The following PCDHGA3 variants were observed in gnomAD, a reference collection of about 807,000 sequenced individuals.
The protein encoded by PCDHGA3 is protocadherin gamma-A3.
In PCDHGA3, 40 loss-of-function variants were observed where a neutral mutation model predicts 58.5. The observed-to-expected ratio is 0.68, with a 90% CI of 0.53 to 0.89. PCDHGA3 has a LOEUF of 0.89. Ranked by LOEUF, PCDHGA3 falls within the 40% of genes least tolerant of loss-of-function variation. The probability of loss-of-function intolerance (pLI) is 0.00; values close to 1 mark genes in which losing one functional copy is unlikely to be tolerated. For missense variants in PCDHGA3, 1,223 were observed against 1,195.9 expected (o/e 1.02, Z -0.33); for synonymous variants, 530 against 525.7 (o/e 1.01, Z -0.11).
chr5:141,362,304 T>C, intron 1 of PCDHGA3: 1 of 1,614,082 alleles, frequency 6.2e-7, no homozygotes, highest in Non-Finnish European at 8.5e-7. Flanking sequence ...GGTCAGATGC[T>C]TGGGACTGTT....
In PCDHGA3 at chr5:141,477,085, G is replaced by A. The variant is rs1420972762; in HGVS notation, c.2425-17722G>A. On this transcript the variant is annotated intron_variant, in intron 1 of 3. Coordinates refer to ENST00000253812, the MANE Select transcript of PCDHGA3 (RefSeq NM_018916.4). This position sits in a 1 kb window ranked among gnomAD's most constrained non-coding sequence, Gnocchi z 4.9. ...CCAAACTCCATGAGATTTACATCCAGGCCAAAGACAAGGGCGCCAATCCCG... is the reference window on the plus strand; with the variant it reads ...CCAAACTCCATGAGATTTACATCCAAGCCAAAGACAAGGGCGCCAATCCCG... 1 of 1,614,262 alleles carries A rather than the reference G, an allele frequency of 6.2e-7. No individual in the cohort carries two copies. The highest frequency in any genetic ancestry group is 1.7e-5 in the Admixed American group (1 of 60,034).
chr5:141,389,771 C>G, intron 1 of PCDHGA3: 1 of 1,613,206 alleles, frequency 6.2e-7, no homozygotes, highest in Non-Finnish European at 8.5e-7. Context: ...CAGCGCGTGC[C>G]TTAGGCGACA....
rs775426401 is a variant in PCDHGA3 at position 141,350,605 on chromosome 5, C to T, written c.2424+4148C>T. On this transcript the variant is annotated intron_variant, in intron 1 of 3. Coordinates refer to ENST00000253812, the MANE Select transcript of PCDHGA3 (RefSeq NM_018916.4). ...CTGAAAACCCAATGAATGTTTTCCA[C>T]GTGGTTGTTGTAATCCAAGATATTA... is the stretch of plus-strand genomic sequence containing the variant. 6 of 1,613,998 alleles carry T rather than the reference C, an allele frequency of 3.7e-6. 1 individual carries two copies. Among genetic ancestry groups the T allele is most frequent in the African/African-American group, 1.3e-5 (1 of 75,046 alleles).
rs1252667624 is a variant in PCDHGA3 at position 141,344,023 on chromosome 5, C to A, written c.-11C>A. 1 of 1,524,482 alleles carries A rather than the reference C, an allele frequency of 6.6e-7. No individual in the cohort carries two copies. 94.4% of individuals were successfully genotyped at this position (1,524,482 alleles called of 1,614,324 possible). On this transcript the variant is annotated 5_prime_UTR_variant, in exon 1 of 4. Coordinates refer to ENST00000253812, the MANE Select transcript of PCDHGA3 (RefSeq NM_018916.4). Reference sequence around the variant, plus strand: ...AACCGAATTCAGAGAAAGCGATTCACCGAAAAGGAAATGACCAATTGCCTG... The same window carrying A: ...AACCGAATTCAGAGAAAGCGATTCAACGAAAAGGAAATGACCAATTGCCTG...
chr5:141,407,529 T>G (rs2154538729), intron 1 of PCDHGA3, among the ~76,000 whole-genome samples: 1 of 151,552 alleles, frequency 6.6e-6, no homozygotes, highest in South Asian at 2.1e-4. Context: ...CTTAACTTAT[T>G]GTGCATTGGT....
chr5:141,422,762 C>A (rs745320796), intron 1 of PCDHGA3: 1 of 1,613,392 alleles, frequency 6.2e-7, no homozygotes, highest in Admixed American at 1.7e-5. Context: ...AACTCCAACA[C>A]TGGTGTTCTC....
intron 1 of PCDHGA3, chr5:141,426,987 G>C (rs867397302): frequency 1.3e-5 from 6 of 456,602 alleles, no homozygotes; most frequent in African/African-American, 1.2e-4. Context: ...TGATGCCAAC[G>C]ATAATGCCCC....
intron 2 of PCDHGA3, among the ~76,000 whole-genome samples, chr5:141,504,968 C>A (rs1377016827): frequency 1.3e-5 from 2 of 152,206 alleles, no homozygotes; most frequent in East Asian, 3.9e-4. Context: ...ATTGGACCAG[C>A]CTGGCCAACA....
rs778589637 is a variant in PCDHGA3 at position 141,487,133 on chromosome 5, C to T, written c.2425-7674C>T. On this transcript the variant is annotated intron_variant, in intron 1 of 3. Coordinates refer to ENST00000253812, the MANE Select transcript of PCDHGA3 (RefSeq NM_018916.4). The surrounding 1 kb of genome is among the most constrained non-coding windows in gnomAD (Gnocchi z 5.0). ...TGTGGTAAAGGATAGTGGTAGTCCA[C>T]CACTCTCTACCTCTGTTACTCTCTT... 8.7e-6 allele frequency: 14 copies of T among 1,613,932 alleles called. No homozygotes were observed. In the South Asian group the frequency reaches 1.5e-4, roughly 18 times the overall value.
chr5:141,386,504 T>A (rs1351334049), intron 1 of PCDHGA3, among the ~76,000 whole-genome samples: 1 of 84,712 alleles, frequency 1.2e-5, no homozygotes, highest in Non-Finnish European at 2.3e-5. Flanking sequence ...AACAAGACTC[T>A]GTCTCTTCAA....
intron 3 of PCDHGA3, among the ~76,000 whole-genome samples, chr5:141,509,685 A>G (rs923641083): frequency 6.6e-6 from 1 of 152,166 alleles, no homozygotes. Flanking sequence ...TCTTCTGTAC[A>G]GTGGGACGTT....
At chr5:141,433,383 CT>C (rs2097595660) in intron 1 of PCDHGA3, among the ~76,000 whole-genome samples, 1 of 151,456 alleles carries the variant, frequency 6.6e-6, no homozygotes, top group Non-Finnish European at 1.5e-5. Context: ...ATCTATCTAT[CT>C]ATCTATCTAT....
chr5:141,458,694 C>T (rs905547768), intron 1 of PCDHGA3, among the ~76,000 whole-genome samples: 3 of 152,018 alleles, frequency 2.0e-5, no homozygotes, highest in Non-Finnish European at 2.9e-5. Flanking sequence ...CTCAGCCTCC[C>T]GAGTAGCTGG....
Position 141,490,672 on chromosome 5 carries a change from G to A in PCDHGA3, c.2425-4135G>A. ...GGGCTCCCTTCTTTGCACTGTGGCT[G>A]CCTCAGATCCAGACACTGGGGATAA... is the stretch of plus-strand genomic sequence containing the variant. On this transcript the variant is annotated intron_variant, in intron 1 of 3. Transcript: ENST00000253812. This position sits in a 1 kb window ranked among gnomAD's most constrained non-coding sequence, Gnocchi z 5.4. 1.2e-6 allele frequency: 2 copies of A among 1,614,114 alleles called. No homozygotes were observed. Among genetic ancestry groups the A allele is most frequent in the Non-Finnish European group, 1.7e-6 (2 of 1,179,996 alleles).
At chr5:141,484,873 G>A (rs754469397) in intron 1 of PCDHGA3, 50 of 322,006 alleles carry the variant, frequency 1.6e-4, no homozygotes, top group Non-Finnish European at 2.5e-4. Flanking sequence ...GAGCGTGGAG[G>A]ATAGGGTGGG....
rs367698678 is a variant in PCDHGA3 at position 141,374,080 on chromosome 5, A to G, written c.2424+27623A>G. The G allele has an allele frequency of 6.6e-6, 10 of 1,519,950 alleles. No individual in the cohort carries two copies. In the African/African-American group the frequency reaches 1.4e-4, roughly 21 times the overall value. 94.2% of individuals were successfully genotyped at this position (1,519,950 alleles called of 1,614,324 possible). A position where few individuals can be genotyped will look rare whatever the true frequency, so the allele number is the denominator to read the frequency against. On this transcript the variant is annotated intron_variant, in intron 1 of 3. Coordinates refer to ENST00000253812, the MANE Select transcript of PCDHGA3 (RefSeq NM_018916.4). The stretch of plus-strand genomic sequence containing the variant: ...ATCCCAGAGAAGTTCCTAATAAGCC[A>G]GTAATGGCGCCTCCGCAGAGGCATC...
At chr5:141,350,931 A>G (rs1243075906) in intron 1 of PCDHGA3, 3 of 1,614,088 alleles carry the variant, frequency 1.9e-6, no homozygotes, top group South Asian at 1.1e-5. Flanking sequence ...GGCACCACCC[A>G]TATCTGGATC....
chr5:141,478,637 G>A (rs1227108157), intron 1 of PCDHGA3: 2 of 1,552,684 alleles, frequency 1.3e-6, no homozygotes, highest in Non-Finnish European at 1.7e-6. Context: ...TTTTAGTGAT[G>A]AAGATGTTTT....
intron 1 of PCDHGA3, chr5:141,388,297 T>C (rs2091308790): frequency 1.9e-6 from 3 of 1,613,660 alleles, no homozygotes; most frequent in African/African-American, 2.7e-5. Flanking sequence ...CAAAATTCCT[T>C]TGAGCTGCAA....
Sources: allele counts gnomAD v4.1 joint callset (sites outside exome capture counted in the v4.1 genomes callset), GRCh38; gene constraint gnomAD v4.1.1; non-coding constraint Gnocchi (gnomAD v3.1); transcripts MANE v1.5; gene names NCBI Gene and HGNC (gene_info 2026-07-23, HGNC 2026-07-21).